CSTPP1: variants seen among roughly 807,000 people sequenced by gnomAD.
CSTPP1 encodes the protein centriolar satellite-associated tubulin polyglutamylase complex regulator 1, also known as UPF0705 protein C11orf49.
chr11:46,944,849 G>A, the CSTPP1 span, among the ~76,000 whole-genome samples: 1 of 152,122 alleles, frequency 6.6e-6, no homozygotes, highest in African/African-American at 2.4e-5. Flanking sequence ...TCTCTCGCAT[G>A]TCTGATCCTG....
At chr11:47,000,421 A>T in the CSTPP1 span, among the ~76,000 whole-genome samples, 1 of 152,330 alleles carries the variant, frequency 6.6e-6, no homozygotes, top group East Asian at 1.9e-4. Flanking sequence ...TGACTTCCAC[A>T]TACTAATATA....
the CSTPP1 span, chr11:47,164,144 G>A: frequency 6.2e-7 from 1 of 1,613,980 alleles, no homozygotes; most frequent in South Asian, 1.1e-5. Context: ...GAGCCAAGGA[G>A]CCAGGGGCCT....
chr11:46,993,363 CT>C, the CSTPP1 span, among the ~76,000 whole-genome samples: 62 of 140,636 alleles, frequency 4.4e-4, no homozygotes, highest in Admixed American at 5.7e-4. Flanking sequence ...CTTTTCTTTT[CT>C]TTTTTTTTTT....
chr11:46,958,448 G>T, the CSTPP1 span, among the ~76,000 whole-genome samples: 2 of 151,472 alleles, frequency 1.3e-5, no homozygotes, highest in Non-Finnish European at 2.9e-5. Context: ...TTATGTTTTG[G>T]GGGAGTCCAA....
the CSTPP1 span, among the ~76,000 whole-genome samples, chr11:47,087,817 A>G: frequency 3.3e-5 from 5 of 152,304 alleles, no homozygotes; most frequent in East Asian, 9.6e-4. Flanking sequence ...ATTATTTCAC[A>G]CAGGTTCTAA....
At chr11:47,155,273 G>C in the CSTPP1 span, 1 of 1,609,166 alleles carries the variant, frequency 6.2e-7, no homozygotes, top group Non-Finnish European at 8.5e-7. Flanking sequence ...TGAGTGTTCC[G>C]GGGCTCCATC....
the CSTPP1 span, among the ~76,000 whole-genome samples, chr11:47,101,195 A>C: frequency 1.7e-5 from 1 of 58,258 alleles, no homozygotes; most frequent in African/African-American, 7.2e-5. Flanking sequence ...TTTTTATTTT[A>C]TTTTTAGTAG....
chr11:46,936,871 T>C, the CSTPP1 span: 1 of 1,559,206 alleles, frequency 6.4e-7, no homozygotes, highest in Non-Finnish European at 8.7e-7. Context: ...CCCTTTAACT[T>C]TGGGGAGGGA....
chr11:46,987,006 A>G, the CSTPP1 span, among the ~76,000 whole-genome samples: 1 of 152,210 alleles, frequency 6.6e-6, no homozygotes, highest in African/African-American at 2.4e-5. Flanking sequence ...TCATGTTCAC[A>G]TCATCTCCCA....
At chr11:46,993,780 G>A in the CSTPP1 span, among the ~76,000 whole-genome samples, 2 of 152,140 alleles carry the variant, frequency 1.3e-5, no homozygotes, top group Admixed American at 1.3e-4. Flanking sequence ...GGTTCCATAT[G>A]TACTTTAAAG....
chr11:47,106,802 G>A, the CSTPP1 span, among the ~76,000 whole-genome samples: 1 of 152,116 alleles, frequency 6.6e-6, no homozygotes, highest in Non-Finnish European at 1.5e-5. Flanking sequence ...AGGTAACCAA[G>A]ACTAGGAAGC....
At chr11:47,071,519 C>G in the CSTPP1 span, among the ~76,000 whole-genome samples, 2 of 152,190 alleles carry the variant, frequency 1.3e-5, no homozygotes, top group East Asian at 1.9e-4. Flanking sequence ...TGATAATGAT[C>G]ATTGTTAGCT....
At chr11:46,944,361 C>T in the CSTPP1 span, among the ~76,000 whole-genome samples, 2 of 151,532 alleles carry the variant, frequency 1.3e-5, no homozygotes, top group African/African-American at 2.4e-5. Flanking sequence ...TACATGTAAG[C>T]ATTTATCCTG....
the CSTPP1 span, among the ~76,000 whole-genome samples, chr11:47,038,603 C>G: frequency 1.8e-5 from 2 of 113,188 alleles, 1 homozygote; most frequent in Non-Finnish European, 4.3e-5. Context: ...ACCTCCCTCC[C>G]GGACTGGGAG....
At chr11:47,019,132 C>T in the CSTPP1 span, among the ~76,000 whole-genome samples, 1 of 152,086 alleles carries the variant, frequency 6.6e-6, no homozygotes, top group African/African-American at 2.4e-5. Flanking sequence ...CTCAGCCTCC[C>T]TAGTAGCTGG....
chr11:47,038,322 C>T, the CSTPP1 span, among the ~76,000 whole-genome samples: 4 of 96,584 alleles, frequency 4.1e-5, 1 homozygote, highest in East Asian at 6.1e-4. Context: ...GCTGGCCGGG[C>T]GGGGGGCTGA....
the CSTPP1 span, among the ~76,000 whole-genome samples, chr11:47,069,903 G>A: frequency 6.6e-6 from 1 of 151,944 alleles, no homozygotes; most frequent in South Asian, 2.1e-4. Context: ...TAGTAGAGAC[G>A]GGGGTTTCAC....
At chr11:46,950,394 C>T in the CSTPP1 span, among the ~76,000 whole-genome samples, 4 of 151,340 alleles carry the variant, frequency 2.6e-5, no homozygotes, top group East Asian at 2.0e-4. Flanking sequence ...AGGATGGTCT[C>T]GATCTCCTGA....
the CSTPP1 span, chr11:47,164,143 A>T: frequency 6.2e-7 from 1 of 1,613,954 alleles, no homozygotes; most frequent in Non-Finnish European, 8.5e-7. Flanking sequence ...AGAGCCAAGG[A>T]GCCAGGGGCC....
Sources: allele counts gnomAD v4.1 joint callset (sites outside exome capture counted in the v4.1 genomes callset), GRCh38; gene constraint gnomAD v4.1.1; transcripts MANE v1.5; gene names NCBI Gene and HGNC (gene_info 2026-07-23, HGNC 2026-07-21).